EGFL8: variants seen among roughly 807,000 people sequenced by gnomAD.
EGFL8 encodes the protein EGF like domain multiple 8, also known as epidermal growth factor-like protein 8.
A neutral mutation model predicts 39.4 loss-of-function variants in EGFL8; 32 were observed. The ratio of observed to expected loss-of-function variants is 0.81; its 90% CI spans 0.61 to 1.09. The LOEUF (loss-of-function observed/expected upper bound fraction) is 1.09. Ranked by LOEUF, EGFL8 falls within the 50% of genes least tolerant of loss-of-function variation. EGFL8 has a pLI of 0.00. For synonymous variants in EGFL8, 177 were observed against 168.5 expected (o/e 1.05, Z -0.39); for missense variants, 385 against 402.2 (o/e 0.96, Z 0.37).
At chr6:32,165,738 A>G in intron 1 of EGFL8, 1 of 245,656 alleles carries the variant, frequency 4.1e-6, no homozygotes, top group East Asian at 7.3e-5. Flanking sequence ...GTGAGGCAAG[A>G]ACATGCCATT....
In EGFL8 at chr6:32,166,844, G is replaced by T. The variant is rs367939373; in HGVS notation, c.334+34G>T. 6.3e-7 allele frequency: 1 copy of T among 1,575,434 alleles called. No homozygotes were observed. Among genetic ancestry groups the T allele is most frequent in the African/African-American group, 1.4e-5 (1 of 73,754 alleles). On this transcript the variant is annotated intron_variant, in intron 4 of 8. Coordinates refer to ENST00000333845, the MANE Select transcript of EGFL8 (RefSeq NM_030652.4). The surrounding 1 kb of genome is among the most constrained non-coding windows in gnomAD (Gnocchi z 7.3). ...GGGTCTTCCGGGCCTTGCGGGAGGCGCGCCCCACGGAGCTGGGGAGCTGGG... is the reference window on the plus strand; with the variant it reads ...GGGTCTTCCGGGCCTTGCGGGAGGCTCGCCCCACGGAGCTGGGGAGCTGGG...
chr6:32,167,763 A>G lies in EGFL8; in HGVS notation c.835+107A>G. ...TCCTCCAAGCCCCTCTCCAACATTC[A>G]CTATCCTCATGCCTCTCCACTTTAC... On this transcript the variant is annotated intron_variant, in intron 8 of 8. Coordinates refer to ENST00000333845, the MANE Select transcript of EGFL8 (RefSeq NM_030652.4). This position sits in a 1 kb window ranked among gnomAD's most constrained non-coding sequence, Gnocchi z 6.4. 2 of 1,529,318 alleles carry G rather than the reference A, an allele frequency of 1.3e-6. No homozygotes were observed. The highest frequency in any genetic ancestry group is 1.2e-5 in the South Asian group (1 of 82,420). The allele number at this position is 1,529,318 out of a possible 1,614,324, so 94.7% of individuals were successfully genotyped here.
In EGFL8 at chr6:32,168,276, G is replaced by A; in HGVS notation, c.*320G>A. 8.4e-6 allele frequency: 3 copies of A among 358,608 alleles called. No homozygotes were observed. The highest frequency in any genetic ancestry group is 1.5e-5 in the Non-Finnish European group (3 of 195,810). 22.2% of individuals were successfully genotyped at this position (358,608 alleles called of 1,614,324 possible). A position where few individuals can be genotyped will look rare whatever the true frequency, so the allele number is the denominator to read the frequency against. On this transcript the variant is annotated 3_prime_UTR_variant, in exon 9 of 9. Coordinates refer to ENST00000333845, the MANE Select transcript of EGFL8 (RefSeq NM_030652.4). The surrounding 1 kb of genome is among the most constrained non-coding windows in gnomAD (Gnocchi z 4.5). ...CAGATAATTAATAAAAACCAACCACGCAAAACTGGGTCCCACCCTCTCCTT... is the reference window on the plus strand; with the variant it reads ...CAGATAATTAATAAAAACCAACCACACAAAACTGGGTCCCACCCTCTCCTT...
At position 32,166,850 on chromosome 6, in the gene EGFL8, C is replaced by A; in HGVS notation, c.334+40C>A. The A allele has an allele frequency of 6.3e-7, 1 of 1,579,870 alleles. No homozygotes were observed. Among genetic ancestry groups the A allele is most frequent in the South Asian group, 1.2e-5 (1 of 86,518 alleles). Reference sequence around the variant, plus strand: ...TCCGGGCCTTGCGGGAGGCGCGCCCCACGGAGCTGGGGAGCTGGGTCGTCG... The same window carrying A: ...TCCGGGCCTTGCGGGAGGCGCGCCCAACGGAGCTGGGGAGCTGGGTCGTCG... On this transcript the variant is annotated intron_variant, in intron 4 of 8. Coordinates refer to ENST00000333845, the MANE Select transcript of EGFL8 (RefSeq NM_030652.4). This position sits in a 1 kb window ranked among gnomAD's most constrained non-coding sequence, Gnocchi z 7.3.
At position 32,167,432 on chromosome 6, in the gene EGFL8, G is replaced by C. The variant is rs775850500; in HGVS notation, c.681+3G>C. 1.2e-6 allele frequency: 2 copies of C among 1,612,838 alleles called. No homozygotes were observed. The highest frequency in any genetic ancestry group is 4.5e-5 in the East Asian group (2 of 44,882). On this transcript the variant is annotated splice_donor_region_variant and intron_variant, in intron 7 of 8. Coordinates refer to ENST00000333845, the MANE Select transcript of EGFL8 (RefSeq NM_030652.4). The surrounding 1 kb of genome is among the most constrained non-coding windows in gnomAD (Gnocchi z 6.4). ...GGCGCCTGGAGCGGCTGGAGCAGGT[G>C]AGCCAAGCCTGCTGGGTGGGGCGAG... is the stretch of plus-strand genomic sequence containing the variant.
chr6:32,165,903 G>A, intron 1 of EGFL8: 1 of 566,358 alleles, frequency 1.8e-6, no homozygotes, highest in Non-Finnish European at 3.2e-6. Flanking sequence ...TAGAGGGGAG[G>A]TGGAGGGAGT....
At position 32,167,215 on chromosome 6, in the gene EGFL8, T is replaced by C; in HGVS notation, c.559T>C (p.Ser187Pro). Residue 187 changes from serine (S) to proline (P), a missense_variant, in exon 6 of 9, where the codon TCC becomes CCC. Transcript: ENST00000333845. The surrounding 1 kb of genome is among the most constrained non-coding windows in gnomAD (Gnocchi z 6.4). The part of the protein sequence containing the change: ...GVDGRTCMEG[S>P]PEPPTSASIL... ...GGACGGGCGCACCTGCATGGAGGGG[T>C]CCCCAGAGCCCCCAACCAGTGCCAG... 1 of 1,612,520 alleles carries C rather than the reference T, an allele frequency of 6.2e-7. No homozygotes were observed. Among genetic ancestry groups the C allele is most frequent in the African/African-American group, 1.3e-5 (1 of 74,926 alleles).
chr6:32,167,657 G>T lies in EGFL8; in HGVS notation c.835+1G>T. The stretch of plus-strand genomic sequence containing the variant: ...CTGCTGGAGGAGAGGCTAGGTGCCT[G>T]TGAGTCCTCACACTCCTCCCGCCTT... On this transcript the variant is annotated splice_donor_variant, in intron 8 of 8. Transcript: ENST00000333845. LOFTEE classifies it high-confidence loss of function. The surrounding 1 kb of genome is among the most constrained non-coding windows in gnomAD (Gnocchi z 6.4). The T allele has an allele frequency of 1.2e-6, 2 of 1,603,244 alleles. No individual in the cohort carries two copies. Among genetic ancestry groups the T allele is most frequent in the African/African-American group, 1.3e-5 (1 of 74,894 alleles).
At position 32,166,951 on chromosome 6, in the gene EGFL8, A is replaced by C; in HGVS notation, c.376A>C (p.Arg126=). The C allele has an allele frequency of 1.2e-6, 2 of 1,613,224 alleles. No individual in the cohort carries two copies. The highest frequency in any genetic ancestry group is 1.7e-6 in the Non-Finnish European group (2 of 1,179,896). Residue 126 remains arginine, a synonymous_variant, in exon 5 of 9, where the codon AGG becomes CGG. Coordinates refer to ENST00000333845, the MANE Select transcript of EGFL8 (RefSeq NM_030652.4). The surrounding 1 kb of genome is among the most constrained non-coding windows in gnomAD (Gnocchi z 7.3). ...KPCLNGGVCV[R]PDQCECAPGW... is the part of the protein sequence containing the mutation. ...TTGCCTGAACGGAGGCGTCTGCGTT[A>C]GGCCTGACCAGTGCGAGTGCGCCCC... is the stretch of plus-strand genomic sequence containing the variant.
rs139749971 is a variant in EGFL8 at position 32,167,545 on chromosome 6, G to A, written c.724G>A (p.Val242Met). 10 of 1,608,750 alleles carry A rather than the reference G, an allele frequency of 6.2e-6. No homozygotes were observed. The highest frequency in any genetic ancestry group is 2.2e-5 in the East Asian group (1 of 44,872). Reference sequence around the variant, plus strand: ...GGCCTGGGTCAGAGCGGTGCTGCCCGTGCCGCCTGAAGAGCTGCAGCCAGA... The same window carrying A: ...GGCCTGGGTCAGAGCGGTGCTGCCCATGCCGCCTGAAGAGCTGCAGCCAGA... ...AGAWVRAVLPVPPEELQPEQV... is the reference protein window; with the variant it reads ...AGAWVRAVLPMPPEELQPEQV... Residue 242 changes from valine to methionine, a missense_variant, in exon 8 of 9, where the codon GTG becomes ATG. Physicochemically the swap from Val to Met is conservative, Grantham distance 21. Coordinates refer to ENST00000333845, the MANE Select transcript of EGFL8 (RefSeq NM_030652.4). This position sits in a 1 kb window ranked among gnomAD's most constrained non-coding sequence, Gnocchi z 6.4.
At chr6:32,165,664 A>G in intron 1 of EGFL8, 1 of 175,256 alleles carries the variant, frequency 5.7e-6, no homozygotes, top group South Asian at 1.6e-4. Context: ...CATGCCTGTA[A>G]TCCCAGCTAT....
chr6:32,166,977 C>G lies in EGFL8; in HGVS notation c.402C>G (p.Pro134=), dbSNP rs751693749. Residue 134 remains proline, a synonymous_variant, in exon 5 of 9, where the codon CCC becomes CCG. Coordinates refer to ENST00000333845, the MANE Select transcript of EGFL8 (RefSeq NM_030652.4). This position sits in a 1 kb window ranked among gnomAD's most constrained non-coding sequence, Gnocchi z 7.3. ...GGCCTGACCAGTGCGAGTGCGCCCCCGGCTGGGGAGGGAAGCACTGTCATG... is the reference window on the plus strand; with the variant it reads ...GGCCTGACCAGTGCGAGTGCGCCCCGGGCTGGGGAGGGAAGCACTGTCATG... ...CVRPDQCECA[P]GWGGKHCHVD... The G allele has an allele frequency of 1.2e-6, 2 of 1,613,010 alleles. No individual in the cohort carries two copies. Among genetic ancestry groups the G allele is most frequent in the African/African-American group, 2.7e-5 (2 of 74,942 alleles).
Position 32,166,809 on chromosome 6 carries a change from A to T in EGFL8, c.333A>T (p.Glu111Asp). 1 of 1,572,268 alleles carries T rather than the reference A, an allele frequency of 6.4e-7. No homozygotes were observed. Among genetic ancestry groups the T allele is most frequent in the Non-Finnish European group, 8.6e-7 (1 of 1,157,986 alleles). The change falls in exon 4 of 9, where the codon GAA (glutamate) becomes GAT (aspartate). Residue 111 changes from glutamate to aspartate, a missense_variant and splice_region_variant. Coordinates refer to ENST00000333845, the MANE Select transcript of EGFL8 (RefSeq NM_030652.4). The surrounding 1 kb of genome is among the most constrained non-coding windows in gnomAD (Gnocchi z 7.3). ...KKRHPGALTC[E>D]AICAKPCLNG... ...GGCACCCGGGGGCGCTCACCTGTGA[A>T]GGTGAGGCTGGGTCTTCCGGGCCTT...
Position 32,164,829 on chromosome 6 carries a change from T to C in EGFL8, c.-29+172T>C, listed in dbSNP as rs2127400942. The C allele has an allele frequency of 1.6e-6, 1 of 608,118 alleles. No homozygotes were observed. Among genetic ancestry groups the C allele is most frequent in the Non-Finnish European group, 3.0e-6 (1 of 332,654 alleles). 37.7% of individuals were successfully genotyped at this position (608,118 alleles called of 1,614,324 possible). A position where few individuals can be genotyped will look rare whatever the true frequency, so the allele number is the denominator to read the frequency against. On this transcript the variant is annotated intron_variant, in intron 1 of 8. Transcript: ENST00000333845. The surrounding 1 kb of genome is among the most constrained non-coding windows in gnomAD (Gnocchi z 5.4). ...TGTGGGTATATGAGGGGAGTAGCAG[T>C]GTGTGAAAGGTGTGGAGTTTCCAGG...
rs774672313 is a variant in EGFL8, at chr6:32,166,592, G to A, written c.196G>A (p.Ala66Thr). 6.8e-6 allele frequency: 11 copies of A among 1,614,200 alleles called. No individual in the cohort carries two copies. Among genetic ancestry groups the A allele is most frequent in the South Asian group, 2.2e-5 (2 of 91,090 alleles). ...GTACAAGCCCTACCTGACCTTGTGC[G>A]CTGGGAGGCGCATCTGCAGCACTTA... ...PVYKPYLTLC[A>T]GRRICSTYRT... The change falls in exon 3 of 9, where the codon GCT becomes ACT. Residue 66 changes from alanine (A) to threonine (T), a missense_variant. Physicochemically the swap from Ala to Thr is moderately conservative, Grantham distance 58. Transcript: ENST00000333845. This position sits in a 1 kb window ranked among gnomAD's most constrained non-coding sequence, Gnocchi z 7.3.
rs1276537876 is a variant in EGFL8 at position 32,167,507 on chromosome 6, C to A, written c.686C>A (p.Ala229Asp). Residue 229 changes from alanine to aspartate, a missense_variant, in exon 8 of 9, where the codon GCC becomes GAC. By Grantham distance (126) the Ala-to-Asp change is moderately radical. Transcript: ENST00000333845. The surrounding 1 kb of genome is among the most constrained non-coding windows in gnomAD (Gnocchi z 6.4). The stretch of plus-strand genomic sequence containing the variant: ...GAGGCATCTCTTCCTTTCTAGTGGG[C>A]CGGTCAGGCTGGGGCCTGGGTCAGA... ...RGRLERLEQW[A>D]GQAGAWVRAV... 6.2e-7 allele frequency: 1 copy of A among 1,607,926 alleles called. No homozygotes were observed. The highest frequency in any genetic ancestry group is 1.1e-5 in the South Asian group (1 of 90,976).
rs1343142652 is a variant in EGFL8, at chr6:32,164,881, G to T, written c.-29+224G>T. Among the ~76,000 whole-genome samples, 3 of 151,902 alleles carry T rather than the reference G, an allele frequency of 2.0e-5. No individual in the cohort carries two copies. Among genetic ancestry groups the T allele is most frequent in the African/African-American group, 7.3e-5 (3 of 41,338 alleles). ...GCTTGGTTTGTGTGTACGGTGTGAA[G>T]GTATATAGCTAGGGGTTTTTTTTGT... On this transcript the variant is annotated intron_variant, in intron 1 of 8. Transcript: ENST00000333845. The surrounding 1 kb of genome is among the most constrained non-coding windows in gnomAD (Gnocchi z 5.4).
rs770306959 is a variant in EGFL8 at position 32,167,671 on chromosome 6, T to A, written c.835+15T>A. The A allele has an allele frequency of 6.3e-7, 1 of 1,588,602 alleles. No individual in the cohort carries two copies. The highest frequency in any genetic ancestry group is 1.7e-5 in the Admixed American group (1 of 58,422). On this transcript the variant is annotated intron_variant, in intron 8 of 8. Coordinates refer to ENST00000333845, the MANE Select transcript of EGFL8 (RefSeq NM_030652.4). This position sits in a 1 kb window ranked among gnomAD's most constrained non-coding sequence, Gnocchi z 6.4. ...GCTAGGTGCCTGTGAGTCCTCACAC[T>A]CCTCCCGCCTTGACTTCTATTCCCC...
In EGFL8 at chr6:32,166,033, C is replaced by A; in HGVS notation, c.-28-105C>A. 3.6e-6 allele frequency: 3 copies of A among 834,440 alleles called. No individual in the cohort carries two copies. The highest frequency in any genetic ancestry group is 2.0e-5 in the Admixed American group (1 of 49,626). 51.7% of individuals were successfully genotyped at this position (834,440 alleles called of 1,614,324 possible). On this transcript the variant is annotated intron_variant, in intron 1 of 8. Coordinates refer to ENST00000333845, the MANE Select transcript of EGFL8 (RefSeq NM_030652.4). The surrounding 1 kb of genome is among the most constrained non-coding windows in gnomAD (Gnocchi z 7.3). ...GTGGCTAGTATGTAAAAGTGAATGT[C>A]CTGACTCCCTTAGAGGGTACCTGCA...
Sources: allele counts gnomAD v4.1 joint callset (sites outside exome capture counted in the v4.1 genomes callset), GRCh38; gene constraint gnomAD v4.1.1; non-coding constraint Gnocchi (gnomAD v3.1); transcripts MANE v1.5; gene names NCBI Gene and HGNC (gene_info 2026-07-23, HGNC 2026-07-21).